Variants in ERLIN2 observed in about 807,000 individuals in gnomAD.
ERLIN2 encodes the protein ER lipid raft associated 2.
In ERLIN2, 22 loss-of-function variants were observed where a neutral mutation model predicts 41.5. The ratio of observed to expected loss-of-function variants is 0.53; its 90% CI spans 0.38 to 0.76. ERLIN2 has a LOEUF of 0.76. ERLIN2 is among the 30% of genes least tolerant of loss of function. The probability of loss-of-function intolerance (pLI) is 0.00; values close to 1 mark genes in which losing one functional copy is unlikely to be tolerated. For missense variants in ERLIN2, 247 were observed against 414.3 expected (o/e 0.60, Z 3.51); for synonymous variants, 149 against 150.9 (o/e 0.99, Z 0.09).
At chr8:37,738,615 G>T (rs548605115) in intron 2 of ERLIN2, among the ~76,000 whole-genome samples, 7 of 152,294 alleles carry the variant, frequency 4.6e-5, no homozygotes, top group Admixed American at 2.0e-4. Context: ...GCCGGCTGTG[G>T]TGTCACACAC....
chr8:37,753,855 TC>T (rs1161106414), intron 11 of ERLIN2, 59 bp from the exon 12 acceptor site: 31 of 1,446,520 alleles, frequency 2.1e-5, no homozygotes, highest in Non-Finnish European at 2.9e-5. Context: ...GGGGCACCAC[TC>T]CCCTCCTTCT....
At chr8:37,750,013 C>T (rs1254900051) in intron 8 of ERLIN2, 161 bp downstream of exon 8, 2 of 724,046 alleles carry the variant, frequency 2.8e-6, no homozygotes, top group Admixed American at 2.0e-5. Flanking sequence ...CGTGTCAGGG[C>T]CACCACTGGG....
chr8:37,754,307 T>G lies in ERLIN2; in HGVS notation c.*192T>G, dbSNP rs747915618. 440 of 619,528 alleles carry G rather than the reference T, an allele frequency of 7.1e-4. 4 individuals carry two copies. Among genetic ancestry groups the G allele is most frequent in the Non-Finnish European group, 1.4e-4 (48 of 347,778 alleles). The allele number at this position is 619,528 out of a possible 1,614,324, so 38.4% of individuals were successfully genotyped here. ...GGGGACTGATGATGGGGGGTTTTAT[T>G]TCAGGTAAGCAGTTTATATGACTTC... On this transcript the variant is annotated 3_prime_UTR_variant, in exon 12 of 12. Transcript: ENST00000519638.
chr8:37,750,545 G>T (rs905683740), intron 9 of ERLIN2, 59 bp downstream of exon 9: 31 of 1,433,632 alleles, frequency 2.2e-5, no homozygotes, highest in Non-Finnish European at 3.0e-5. Flanking sequence ...GTGGTGGGAA[G>T]ATGCAAGGAG....
chr8:37,746,299 C>T (rs1431179482), intron 6 of ERLIN2: 10 of 985,292 alleles, frequency 1.0e-5, no homozygotes, highest in African/African-American at 8.7e-5. Context: ...CTTACTCTGC[C>T]GCATCCTCTT....
At position 37,754,022 on chromosome 8, in the gene ERLIN2, G is replaced by A. The variant is rs780565340; in HGVS notation, c.927G>A (p.Ala309=). 10 of 1,613,786 alleles carry A rather than the reference G, an allele frequency of 6.2e-6. No individual in the cohort carries two copies. The highest frequency in any genetic ancestry group is 2.2e-5 in the South Asian group (2 of 91,072). Reference sequence around the variant, plus strand: ...TTCCTAACATGTTCATGGACTCTGCGGGCAGTGTGAGCAAGCAGTTTGAGG... The same window carrying A: ...TTCCTAACATGTTCATGGACTCTGCAGGCAGTGTGAGCAAGCAGTTTGAGG... ...KDIPNMFMDS[A]GSVSKQFEGL... Residue 309 remains alanine, a synonymous_variant, in exon 12 of 12, where the codon GCG becomes GCA. Transcript: ENST00000519638.
chr8:37,746,073 G>A (rs1803037475), intron 6 of ERLIN2: 1 of 994,144 alleles, frequency 1.0e-6, no homozygotes, highest in African/African-American at 1.7e-5. Context: ...TTGTATGGAG[G>A]AGCTGGGGAA....
At chr8:37,747,712 A>G in intron 6 of ERLIN2, 1 of 1,575,106 alleles carries the variant, frequency 6.3e-7, no homozygotes, top group Non-Finnish European at 8.7e-7. Flanking sequence ...GAAGAGCAGC[A>G]GTCCACACTT....
In ERLIN2 at chr8:37,744,685, T is replaced by C. The variant is rs996380168; in HGVS notation, c.413T>C (p.Ile138Thr). The change falls in exon 6 of 12, where the codon ATT becomes ACT. Residue 138 changes from isoleucine (I) to threonine (T), a missense_variant. Around this residue, in one of 3 missense-constraint regions of ERLIN2, gnomAD observed 153 missense variants for 256.4 expected, o/e 0.60. Transcript: ENST00000519638. ...GTGCACACGCTTCAAGAGGTCTACA[T>C]TGAGCTGTTTGGTAAGAAAGTCTCT... The part of the protein sequence containing the change: ...CSVHTLQEVY[I>T]ELFDQIDENL... 6.2e-7 allele frequency: 1 copy of C among 1,614,170 alleles called. No homozygotes were observed. The highest frequency in any genetic ancestry group is 8.5e-7 in the Non-Finnish European group (1 of 1,180,020).
At chr8:37,739,132 C>A (rs767924429) in intron 2 of ERLIN2, among the ~76,000 whole-genome samples, 1 of 152,012 alleles carries the variant, frequency 6.6e-6, no homozygotes, top group Non-Finnish European at 1.5e-5. Context: ...TTTATGAACT[C>A]TTCTTATATG....
chr8:37,739,311 C>T (rs1802770116), intron 2 of ERLIN2, among the ~76,000 whole-genome samples: 1 of 152,136 alleles, frequency 6.6e-6, no homozygotes, highest in South Asian at 2.1e-4. Context: ...ACTCTATTGC[C>T]AAAACATATA....
intron 4 of ERLIN2, among the ~76,000 whole-genome samples, chr8:37,744,138 G>C (rs1262314089): frequency 6.6e-6 from 1 of 152,160 alleles, no homozygotes; most frequent in Non-Finnish European, 1.5e-5. Context: ...TCATGTCTTT[G>C]TAGAGATGTT....
In ERLIN2 at chr8:37,741,868, G is replaced by C. The variant is rs1357457278; in HGVS notation, c.236+50G>C. ...TAAGCCCAAATAAGTCAGAGAAAAG[G>C]CTGTCTGGCTGGTTGCAGGAAGAGA... On this transcript the variant is annotated intron_variant, in intron 4 of 11. Transcript: ENST00000519638. The surrounding 1 kb of genome is among the most constrained non-coding windows in gnomAD (Gnocchi z 4.8). 1.4e-6 allele frequency: 2 copies of C among 1,436,878 alleles called. No individual in the cohort carries two copies. The highest frequency in any genetic ancestry group is 9.8e-7 in the Non-Finnish European group (1 of 1,018,396). 89.0% of individuals were successfully genotyped at this position (1,436,878 alleles called of 1,614,324 possible). A position where few individuals can be genotyped will look rare whatever the true frequency, so the allele number is the denominator to read the frequency against.
In ERLIN2 at chr8:37,737,415, A is replaced by G. The variant is rs897677765; in HGVS notation, c.-15-493A>G. 5.7e-5 allele frequency: 11 copies of G among 193,296 alleles called. No homozygotes were observed. In the Admixed American group the frequency reaches 5.8e-4, roughly 10 times the overall value. 12.0% of individuals were successfully genotyped at this position (193,296 alleles called of 1,614,324 possible). A position where few individuals can be genotyped will look rare whatever the true frequency, so the allele number is the denominator to read the frequency against. On this transcript the variant is annotated intron_variant, in intron 1 of 11. Coordinates refer to ENST00000519638, the MANE Select transcript of ERLIN2 (RefSeq NM_007175.8). ...GCTCGCCTGCTGGCTCTGCCACTCC[A>G]GCATCTGAAAGGAGTAAATAATGGT... is the stretch of plus-strand genomic sequence containing the variant.
chr8:37,748,711 T>C (rs1803136393), intron 6 of ERLIN2, among the ~76,000 whole-genome samples: 1 of 152,246 alleles, frequency 6.6e-6, no homozygotes, highest in Non-Finnish European at 1.5e-5. Context: ...CAGCCTGATT[T>C]CACTCTGTCT....
At chr8:37,747,237 C>G in intron 6 of ERLIN2, 1 of 734,306 alleles carries the variant, frequency 1.4e-6, no homozygotes. Flanking sequence ...AAGCCTTCTG[C>G]TGGGATATAA....
At chr8:37,744,921 A>G in intron 6 of ERLIN2, 1 of 681,720 alleles carries the variant, frequency 1.5e-6, no homozygotes, top group Non-Finnish European at 2.7e-6. Context: ...CACAGGGACC[A>G]TAGTGGAGTA....
chr8:37,748,979 C>T (rs931231871), intron 6 of ERLIN2, among the ~76,000 whole-genome samples: 3 of 152,210 alleles, frequency 2.0e-5, no homozygotes, highest in African/African-American at 7.2e-5. Context: ...GGCTCGCTTC[C>T]AGAACTGTAA....
chr8:37,738,076 C>T, intron 2 of ERLIN2, 47 bp downstream of exon 2: 1 of 1,609,202 alleles, frequency 6.2e-7, no homozygotes, highest in East Asian at 2.2e-5. Context: ...TTAAATAGCT[C>T]CCTTTCCTGG....
Sources: gnomAD v4.1 joint callset for allele counts (sites outside exome capture counted in the v4.1 genomes callset) on GRCh38, gnomAD v4.1.1 for gene constraint, gnomAD v4.1.1 regional missense constraint, Gnocchi (gnomAD v3.1) non-coding constraint, MANE v1.5 for transcripts, NCBI Gene and HGNC (gene_info 2026-07-23, HGNC 2026-07-21) for gene names.